KIT: variants seen among roughly 807,000 people sequenced by gnomAD.
KIT encodes KIT proto-oncogene, receptor tyrosine kinase.
KIT carries 16 observed loss-of-function variants against 105.7 expected under a neutral mutation model. The ratio of observed to expected loss-of-function variants is 0.15; its 90% confidence interval spans 0.10 to 0.23. The LOEUF is 0.23. KIT is among the 10% of genes least tolerant of loss of function. KIT has a pLI of 1.00. For missense variants in KIT, 858 were observed against 1,213.8 expected (o/e 0.71, Z 4.36); for synonymous variants, 438 against 441.1 (o/e 0.99, Z 0.09).
chr4:54,705,035 A>G (rs1194531476), intron 5 of KIT, among the ~76,000 whole-genome samples: 5 of 152,198 alleles, frequency 3.3e-5, no homozygotes, highest in African/African-American at 1.2e-4. Flanking sequence ...TTTGTTCCTA[A>G]ACATGATTGT....
chr4:54,730,556 G>C (rs1406085618), intron 14 of KIT, among the ~76,000 whole-genome samples: 1 of 152,034 alleles, frequency 6.6e-6, no homozygotes, highest in Non-Finnish European at 1.5e-5. Flanking sequence ...AGTTTCTCCT[G>C]GGCATGTGCT....
intron 1 of KIT, among the ~76,000 whole-genome samples, chr4:54,681,282 TG>T (rs1718895307): frequency 1.3e-5 from 1 of 77,522 alleles, no homozygotes; most frequent in African/African-American, 5.0e-5. Flanking sequence ...GGGGATGGGG[TG>T]GGGGGTGCGG....
In KIT at chr4:54,714,798, G is replaced by T. The variant is rs568656172; in HGVS notation, c.1231+5259G>T. Among the ~76,000 whole-genome samples, 13 of 152,244 alleles carry T rather than the reference G, an allele frequency of 8.5e-5. No individual in the cohort carries two copies. In the South Asian group the frequency reaches 1.2e-3, roughly 15 times the overall value. On this transcript the variant is annotated intron_variant, in intron 7 of 20. Coordinates refer to ENST00000288135, the MANE Select transcript of KIT (RefSeq NM_000222.3). ...TTTTGAAAGCTTATCCTTTAATGACGAGCTTCAGCCAGTGCGGTGGGAGTA... is the reference window on the plus strand; with the variant it reads ...TTTTGAAAGCTTATCCTTTAATGACTAGCTTCAGCCAGTGCGGTGGGAGTA...
At chr4:54,672,957 C>T (rs1051088650) in intron 1 of KIT, among the ~76,000 whole-genome samples, 3 of 152,082 alleles carry the variant, frequency 2.0e-5, no homozygotes, top group Non-Finnish European at 4.4e-5. Context: ...GCTTGGATAC[C>T]TTTATTATTT....
Position 54,734,683 on chromosome 4 carries a change from G to A in KIT, c.2484+1491G>A, listed in dbSNP as rs189373080. Among the ~76,000 whole-genome samples the A allele has an allele frequency of 4.3e-4, 65 of 152,124 alleles. 2 individuals carry two copies. The highest frequency in any genetic ancestry group is 1.7e-3 in the East Asian group (9 of 5,178). On this transcript the variant is annotated intron_variant, in intron 17 of 20. Transcript: ENST00000288135. ...AAGAAGGAAACTCATATATGTTACC[G>A]CCCCACATTTTTGTCATCATCATTT... is the stretch of plus-strand genomic sequence containing the variant.
intron 1 of KIT, among the ~76,000 whole-genome samples, chr4:54,658,420 G>A (rs1716975729): frequency 6.6e-6 from 1 of 152,096 alleles, no homozygotes; most frequent in African/African-American, 2.4e-5. Flanking sequence ...GCGGAGGCGG[G>A]GGGCTCAGGG....
chr4:54,671,872 T>C (rs1047291584), intron 1 of KIT, among the ~76,000 whole-genome samples: 9 of 152,208 alleles, frequency 5.9e-5, no homozygotes, highest in African/African-American at 2.2e-4. Flanking sequence ...TCTACCCACT[T>C]TATCTTCCCA....
chr4:54,673,787 G>C (rs543630825), intron 1 of KIT, among the ~76,000 whole-genome samples: 1 of 151,298 alleles, frequency 6.6e-6, no homozygotes, highest in East Asian at 2.0e-4. Context: ...CCTAGCATCA[G>C]AGATTTAGGA....
intron 2 of KIT, among the ~76,000 whole-genome samples, chr4:54,697,036 T>C (rs769267198): frequency 2.6e-5 from 4 of 152,236 alleles, no homozygotes; most frequent in Admixed American, 1.3e-4. Context: ...TTCTGTATCT[T>C]GGAACTATCC....
Position 54,695,612 on chromosome 4 carries a change from G to C in KIT, c.168G>C (p.Leu56=), listed in dbSNP as rs1431146243. ...LIVRVGDEIR[L]LCTDPGFVKW... is the part of the protein sequence containing the mutation. ...TCCGCGTGGGCGACGAGATTAGGCT[G>C]TTATGCACTGATCCGGGCTTTGTCA... is the stretch of plus-strand genomic sequence containing the variant. The change falls in exon 2 of 21, where the codon CTG becomes CTC. Residue 56 remains leucine (L), a synonymous_variant. Transcript: ENST00000288135. 1 of 1,614,220 alleles carries C rather than the reference G, an allele frequency of 6.2e-7. No individual in the cohort carries two copies. Among genetic ancestry groups the C allele is most frequent in the South Asian group, 1.1e-5 (1 of 91,082 alleles).
Position 54,703,764 on chromosome 4 carries a change from A to C in KIT, c.797A>C (p.Asp266Ala). Reference sequence around the variant, plus strand: ...AAATATAATAGCTGGCATCACGGTGACTTCAATTATGAACGTCAGGCAACG... The same window carrying C: ...AAATATAATAGCTGGCATCACGGTGCCTTCAATTATGAACGTCAGGCAACG... ...QEKYNSWHHG[D>A]FNYERQATLT... The change falls in exon 5 of 21, where the codon GAC becomes GCC. Residue 266 changes from aspartate (D) to alanine (A), a missense_variant. By Grantham distance (126) the Asp-to-Ala change is moderately radical. Coordinates refer to ENST00000288135, the MANE Select transcript of KIT (RefSeq NM_000222.3). 6.2e-7 allele frequency: 1 copy of C among 1,613,878 alleles called. No individual in the cohort carries two copies. Among genetic ancestry groups the C allele is most frequent in the South Asian group, 1.1e-5 (1 of 91,072 alleles).
chr4:54,728,185 T>C, intron 13 of KIT, 64 bp downstream of exon 13: 1 of 1,233,244 alleles, frequency 8.1e-7, no homozygotes, highest in Non-Finnish European at 1.2e-6. Context: ...CATTTTAATA[T>C]GATTTTGGCA....
intron 1 of KIT, among the ~76,000 whole-genome samples, chr4:54,662,415 G>A (rs1433132946): frequency 6.6e-6 from 1 of 152,168 alleles, no homozygotes; most frequent in African/African-American, 2.4e-5. Flanking sequence ...GCCAGTAAAT[G>A]TGTTGCTACA....
At chr4:54,738,383 T>C in intron 20 of KIT, 46 bp from the exon 21 acceptor site, 1 of 1,610,602 alleles carries the variant, frequency 6.2e-7, no homozygotes, top group South Asian at 1.1e-5. Flanking sequence ...TGTTGCTATG[T>C]TCGTTGTAGG....
At chr4:54,693,048 G>T (rs1041717695) in intron 1 of KIT, among the ~76,000 whole-genome samples, 2 of 152,140 alleles carry the variant, frequency 1.3e-5, no homozygotes, top group Non-Finnish European at 2.9e-5. Flanking sequence ...ATGTGAGGGG[G>T]TCTCCTGTTT....
intron 1 of KIT, among the ~76,000 whole-genome samples, chr4:54,691,082 G>C (rs757417478): frequency 6.6e-6 from 1 of 152,120 alleles, no homozygotes; most frequent in Non-Finnish European, 1.5e-5. Context: ...TGTTTGACTT[G>C]ATGAAGCCAA....
At chr4:54,662,733 C>T (rs1357237253) in intron 1 of KIT, among the ~76,000 whole-genome samples, 4 of 152,052 alleles carry the variant, frequency 2.6e-5, no homozygotes, top group South Asian at 2.1e-4. Flanking sequence ...CCACCATGCT[C>T]GGCTAATTTT....
At chr4:54,737,061 C>G in intron 19 of KIT, 114 bp from the exon 20 acceptor site, 2 of 764,178 alleles carry the variant, frequency 2.6e-6, no homozygotes, top group East Asian at 5.3e-5. Flanking sequence ...ATATGTCAGT[C>G]CATATGTCCA....
intron 2 of KIT, chr4:54,696,021 T>C: frequency 1.8e-6 from 1 of 568,080 alleles, no homozygotes; most frequent in Admixed American, 3.1e-5. Context: ...GAGATTACAG[T>C]AGGTTTAGCC....
Sources: gnomAD v4.1 joint callset for allele counts (sites outside exome capture counted in the v4.1 genomes callset) on GRCh38, gnomAD v4.1.1 for gene constraint, MANE v1.5 for transcripts, NCBI Gene and HGNC (gene_info 2026-07-23, HGNC 2026-07-21) for gene names.